Variants in BZW2 observed in about 807,000 individuals in gnomAD.
BZW2 encodes the protein basic leucine zipper and W2 domains 2.
BZW2 carries 23 observed loss-of-function variants against 53.2 expected under a neutral mutation model. The observed-to-expected ratio is 0.43, with a 90% CI of 0.31 to 0.61. BZW2 has a LOEUF of 0.61. Ranked by LOEUF, BZW2 falls within the 20% of genes least tolerant of loss-of-function variation. The probability of loss-of-function intolerance (pLI) is 0.09; values close to 1 mark genes in which losing one functional copy is unlikely to be tolerated. For missense variants in BZW2, 409 were observed against 503.1 expected, an observed-to-expected ratio of 0.81 and a Z score of 1.79; for synonymous variants, 227 against 186.4, an observed-to-expected ratio of 1.22 and a Z score of -1.77.
At chr7:16,690,125 A>C (rs1406304255) in intron 7 of BZW2, among the ~76,000 whole-genome samples, 2 of 152,196 alleles carry the variant, frequency 1.3e-5, no homozygotes, top group African/African-American at 2.4e-5. Context: ...AAGAATATAG[A>C]CTTCCAAATT....
At chr7:16,655,338 G>A (rs1782097033) in intron 1 of BZW2, among the ~76,000 whole-genome samples, 1 of 152,130 alleles carries the variant, frequency 6.6e-6, no homozygotes, top group African/African-American at 2.4e-5. Context: ...ATGGGTAAAT[G>A]CTGGAAAATG....
intron 1 of BZW2, among the ~76,000 whole-genome samples, chr7:16,654,519 C>T (rs1428428018): frequency 1.4e-5 from 2 of 142,074 alleles, no homozygotes; most frequent in Non-Finnish European, 1.5e-5. Flanking sequence ...ACCCCCCCCC[C>T]CCAAAAAAAA....
At chr7:16,695,593 T>C (rs139009574) in intron 8 of BZW2, among the ~76,000 whole-genome samples, 1 of 152,364 alleles carries the variant, frequency 6.6e-6, no homozygotes, top group East Asian at 1.9e-4. Flanking sequence ...ATACATGCTA[T>C]AGTTCACAAA....
At chr7:16,673,058 G>A (rs1782654748) in intron 2 of BZW2, among the ~76,000 whole-genome samples, 1 of 151,946 alleles carries the variant, frequency 6.6e-6, no homozygotes, top group Non-Finnish European at 1.5e-5. Flanking sequence ...TGATTCTCCT[G>A]CTTCAGCCTC....
intron 1 of BZW2, among the ~76,000 whole-genome samples, chr7:16,663,296 T>C (rs1371462262): frequency 6.6e-6 from 1 of 152,244 alleles, no homozygotes. Context: ...TTGCAAATGT[T>C]TGAATTTTAT....
At chr7:16,652,383 C>T (rs147715089) in intron 1 of BZW2, among the ~76,000 whole-genome samples, 1 of 152,290 alleles carries the variant, frequency 6.6e-6, no homozygotes, top group East Asian at 1.9e-4. Context: ...TTGTGCAATA[C>T]TTGGAACAAA....
rs6979831 is a variant in BZW2 at position 16,647,109 on chromosome 7, A to T, written c.-8+821A>T. 4.5e-3 allele frequency among the ~76,000 whole-genome samples: 687 copies of T among 152,304 alleles called. 6 individuals are homozygous for T. Among genetic ancestry groups the T allele is most frequent in the African/African-American group, 0.016 (648 of 41,558 alleles). Reference sequence around the variant, plus strand: ...CCATAGGTAGATGGGGGTAAATACAAGTGTGTATTTCAGAATAAGATTTGC... The same window carrying T: ...CCATAGGTAGATGGGGGTAAATACATGTGTGTATTTCAGAATAAGATTTGC... On this transcript the variant is annotated intron_variant, in intron 1 of 11. Coordinates refer to ENST00000258761, the MANE Select transcript of BZW2 (RefSeq NM_014038.3).
At chr7:16,697,328 C>A (rs755575319) in intron 9 of BZW2, among the ~76,000 whole-genome samples, 5 of 152,142 alleles carry the variant, frequency 3.3e-5, no homozygotes, top group Non-Finnish European at 7.4e-5. Context: ...TGCATTCAAG[C>A]TATCCTCCTG....
chr7:16,654,115 A>C (rs996529782), intron 1 of BZW2, among the ~76,000 whole-genome samples: 2 of 141,328 alleles, frequency 1.4e-5, no homozygotes, highest in African/African-American at 5.3e-5. Flanking sequence ...AAAAAAATAC[A>C]AAAATTAATT....
rs1169331204 is a variant in BZW2 at position 16,667,263 on chromosome 7, G to A, written c.58+1762G>A. On this transcript the variant is annotated intron_variant, in intron 2 of 11. Transcript: ENST00000258761. Reference sequence around the variant, plus strand: ...ACCACTGCACTGCAGCCTGGGCAACGAGTGAAGCTCCATCTCAAAAAAAAA... The same window carrying A: ...ACCACTGCACTGCAGCCTGGGCAACAAGTGAAGCTCCATCTCAAAAAAAAA... Among the ~76,000 whole-genome samples the A allele has an allele frequency of 3.4e-5, 5 of 145,016 alleles. No homozygotes were observed. The East Asian group carries it at 8.0e-4, about 23-fold the overall frequency.
At chr7:16,665,258 A>G (rs145487775) in intron 1 of BZW2, among the ~76,000 whole-genome samples, 179 bp from the exon 2 acceptor site, 25 of 152,078 alleles carry the variant, frequency 1.6e-4, no homozygotes, top group Admixed American at 5.9e-4. Context: ...GTGAGCTGAG[A>G]TCACACCACT....
chr7:16,665,880 G>A (rs1168614671), intron 2 of BZW2, among the ~76,000 whole-genome samples: 1 of 152,160 alleles, frequency 6.6e-6, no homozygotes, highest in South Asian at 2.1e-4. Context: ...AAATTAGGAA[G>A]TGAGATATTG....
intron 2 of BZW2, among the ~76,000 whole-genome samples, chr7:16,669,708 G>T (rs556353695): frequency 7.2e-4 from 109 of 152,156 alleles, no homozygotes; most frequent in Non-Finnish European, 1.4e-3. Flanking sequence ...AAGCAAGTTA[G>T]GTAATGTATA....
At chr7:16,664,503 T>C (rs945755093) in intron 1 of BZW2, among the ~76,000 whole-genome samples, 1 of 152,158 alleles carries the variant, frequency 6.6e-6, no homozygotes, top group Non-Finnish European at 1.5e-5. Flanking sequence ...AGCCAGACCT[T>C]ATCTGGCCTA....
intron 2 of BZW2, among the ~76,000 whole-genome samples, chr7:16,673,782 A>G: frequency 6.6e-6 from 1 of 152,176 alleles, no homozygotes; most frequent in East Asian, 1.9e-4. Flanking sequence ...GTACATTTTA[A>G]GTGTCAAGAG....
intron 2 of BZW2, among the ~76,000 whole-genome samples, chr7:16,666,262 G>A (rs950399522): frequency 7.3e-5 from 11 of 150,958 alleles, no homozygotes; most frequent in Admixed American, 1.3e-4. Context: ...ACCTGGCTAC[G>A]TTTTAAAAAA....
chr7:16,705,019 A>G (rs1783790737), intron 11 of BZW2, among the ~76,000 whole-genome samples: 1 of 152,212 alleles, frequency 6.6e-6, no homozygotes, highest in Non-Finnish European at 1.5e-5. Context: ...TTAACTGGCA[A>G]TTTTAAATAA....
intron 2 of BZW2, among the ~76,000 whole-genome samples, chr7:16,667,088 G>A (rs1368226639): frequency 6.6e-6 from 1 of 151,942 alleles, no homozygotes; most frequent in African/African-American, 2.4e-5. Context: ...TTTGAGACCA[G>A]CCTGACCAAC....
At position 16,651,398 on chromosome 7, in the gene BZW2, T is replaced by G. The variant is rs139693036; in HGVS notation, c.-8+5110T>G. On this transcript the variant is annotated intron_variant, in intron 1 of 11. Transcript: ENST00000258761. ...GCTACTATTGGATGATATTCTACTG[T>G]CATCCTTTTTATATATCCACACAGA... 7.7e-3 allele frequency among the ~76,000 whole-genome samples: 1,180 copies of G among 152,360 alleles called. 27 individuals carry two copies. Among genetic ancestry groups the G allele is most frequent in the African/African-American group, 0.027 (1,133 of 41,590 alleles).
Sources: allele counts gnomAD v4.1 joint callset (sites outside exome capture counted in the v4.1 genomes callset), GRCh38; gene constraint gnomAD v4.1.1; transcripts MANE v1.5; gene names NCBI Gene and HGNC (gene_info 2026-07-23, HGNC 2026-07-21).